Variants in NFIX observed in about 807,000 individuals in gnomAD.
NFIX encodes the protein nuclear factor 1 X-type.
A neutral mutation model predicts 53.3 loss-of-function variants in NFIX; 2 were observed. The ratio of observed to expected loss-of-function variants is 0.04; its 90% CI spans 0.02 to 0.12. The LOEUF (loss-of-function observed/expected upper bound fraction) is 0.12, where lower values mean the gene tolerates loss of function less well. Ranked by LOEUF, NFIX falls within the 10% of genes least tolerant of loss-of-function variation. The pLI is 1.00. For missense variants in NFIX, 310 were observed against 674.5 expected (o/e 0.46, Z 5.99); for synonymous variants, 244 against 289.0 (o/e 0.84, Z 1.58).
At position 13,078,682 on chromosome 19, in the gene NFIX, C is replaced by T. The variant is rs771523710; in HGVS notation, c.1025C>T (p.Pro342Leu). ...GCCCTCTCCTCTCAGGGCAGCTCCC[C>T]GCGCATGGCTTTCACCCACCACCCG... ...CSALSSQGSS[P>L]RMAFTHHPLP... The change falls in exon 7 of 11, where the codon CCG (proline) becomes CTG (leucine). Residue 342 changes from proline to leucine, a missense_variant. Physicochemically the swap from Pro to Leu is moderately conservative, Grantham distance 98. This residue lies in a region of NFIX where 164 missense variants were observed against 284.4 expected (regional missense o/e 0.58). Transcript: ENST00000592199. This position sits in a 1 kb window ranked among gnomAD's most constrained non-coding sequence, Gnocchi z 4.7. The T allele has an allele frequency of 6.3e-7, 1 of 1,599,276 alleles. No individual in the cohort carries two copies. The highest frequency in any genetic ancestry group is 8.5e-7 in the Non-Finnish European group (1 of 1,173,312).
At chr19:13,074,141 T>C (rs555771517) in intron 5 of NFIX, 115 bp downstream of exon 5, 189 of 1,349,288 alleles carry the variant, frequency 1.4e-4, no homozygotes, top group Non-Finnish European at 1.1e-5. Context: ...GAATGTCACC[T>C]CTCTCATTGA....
In NFIX at chr19:13,081,028, A is replaced by C. The variant is rs1599860631; in HGVS notation, c.1079-652A>C. Among the ~76,000 whole-genome samples, 1 of 146,932 alleles carries C rather than the reference A, an allele frequency of 6.8e-6. No individual in the cohort carries two copies. The highest frequency in any genetic ancestry group is 2.2e-4 in the South Asian group (1 of 4,584). ...AAAAAAAATTCTTTAGGCTGGGCACAGTGGCTCATGCCTGTAATCCCAGCA... is the reference window on the plus strand; with the variant it reads ...AAAAAAAATTCTTTAGGCTGGGCACCGTGGCTCATGCCTGTAATCCCAGCA... On this transcript the variant is annotated intron_variant, in intron 7 of 10. Coordinates refer to ENST00000592199, the MANE Select transcript of NFIX (RefSeq NM_001365902.3). This position sits in a 1 kb window ranked among gnomAD's most constrained non-coding sequence, Gnocchi z 4.7.
Position 13,093,763 on chromosome 19 carries a change from G to A in NFIX, c.1495-872G>A, listed in dbSNP as rs1045542968. Among the ~76,000 whole-genome samples the A allele has an allele frequency of 4.6e-5, 7 of 152,100 alleles. No homozygotes were observed. The highest frequency in any genetic ancestry group is 8.8e-5 in the Non-Finnish European group (6 of 68,020). On this transcript the variant is annotated intron_variant, in intron 10 of 10. Transcript: ENST00000592199. This position sits in a 1 kb window ranked among gnomAD's most constrained non-coding sequence, Gnocchi z 4.7. ...TCAGGGACCCTCATTTTGCCCCAACGGTACTACCAGGTGCACCCAGGCCCA... is the reference window on the plus strand; with the variant it reads ...TCAGGGACCCTCATTTTGCCCCAACAGTACTACCAGGTGCACCCAGGCCCA...
chr19:13,005,232 TAGA>T lies in NFIX; in HGVS notation c.27+9375_27+9377del, dbSNP rs1327622199. Among the ~76,000 whole-genome samples, 2 of 152,228 alleles carry T rather than the reference TAGA, an allele frequency of 1.3e-5. No homozygotes were observed. Among genetic ancestry groups the T allele is most frequent in the Non-Finnish European group, 2.9e-5 (2 of 68,044 alleles). On this transcript the variant is annotated intron_variant, in intron 1 of 10. Transcript: ENST00000592199. This position sits in a 1 kb window ranked among gnomAD's most constrained non-coding sequence, Gnocchi z 4.7. ...GAAGAGACAGCGGTCAGCAGAATGG[TAGA>T]AGAAGATAGGATAATAGCAAAATAA...
intron 1 of NFIX, among the ~76,000 whole-genome samples, chr19:13,004,465 G>A (rs2011904170): frequency 6.6e-6 from 1 of 152,154 alleles, no homozygotes; most frequent in South Asian, 2.1e-4. Flanking sequence ...CCAGCACACA[G>A]GGACGAGAGC....
At position 13,009,981 on chromosome 19, in the gene NFIX, C is replaced by CCG. The variant is rs1555694612; in HGVS notation, c.27+14117_27+14118insCG. ...CAGGTGGAGTGGCCCACCTTGGGCC[C>CCG]GGGGGGGCCTCCAGGAGCCCCCTGG... On this transcript the variant is annotated intron_variant, in intron 1 of 10. Coordinates refer to ENST00000592199, the MANE Select transcript of NFIX (RefSeq NM_001365902.3). The surrounding 1 kb of genome is among the most constrained non-coding windows in gnomAD (Gnocchi z 4.7). 2.0e-5 allele frequency among the ~76,000 whole-genome samples: 3 copies of CCG among 152,060 alleles called. No individual in the cohort carries two copies. Among genetic ancestry groups the CCG allele is most frequent in the African/African-American group, 7.2e-5 (3 of 41,424 alleles).
At chr19:13,023,106 C>G (rs1295655363) in intron 1 of NFIX, among the ~76,000 whole-genome samples, 1 of 149,684 alleles carries the variant, frequency 6.7e-6, no homozygotes, top group South Asian at 2.1e-4. Context: ...CTGTCTCTTT[C>G]TCCCCCCACC....
At chr19:13,017,648 C>T (rs560416756) in intron 1 of NFIX, among the ~76,000 whole-genome samples, 4 of 152,170 alleles carry the variant, frequency 2.6e-5, no homozygotes, top group Non-Finnish European at 5.9e-5. Context: ...TGCCCTGACC[C>T]CTCCGAAGGA....
intron 2 of NFIX, among the ~76,000 whole-genome samples, chr19:13,039,241 T>C (rs10407482): frequency 0.11 from 15,801 of 147,014 alleles, 1,759 homozygotes; most frequent in African/African-American, 0.28. Context: ...CACACACACA[T>C]ACACGTGTGT....
rs549081364 is a variant in NFIX at position 13,011,260 on chromosome 19, C to G, written c.28-13761C>G. Among the ~76,000 whole-genome samples, 2 of 152,304 alleles carry G rather than the reference C, an allele frequency of 1.3e-5. No homozygotes were observed. Among genetic ancestry groups the G allele is most frequent in the African/African-American group, 4.8e-5 (2 of 41,566 alleles). ...AGAAACACAATCGCGGGGGTGGGTG[C>G]TGGCGGCGAGACGTTGCTTTTTGGT... On this transcript the variant is annotated intron_variant, in intron 1 of 10. Coordinates refer to ENST00000592199, the MANE Select transcript of NFIX (RefSeq NM_001365902.3). This position sits in a 1 kb window ranked among gnomAD's most constrained non-coding sequence, Gnocchi z 6.5.
Position 13,084,677 on chromosome 19 carries a change from A to G in NFIX, c.1254+2822A>G, listed in dbSNP as rs531143687. ...CATGATGGAGAAATCACAGGGCCCA[A>G]TGGGAGAGCATGACTCCGGGAGGCA... On this transcript the variant is annotated intron_variant, in intron 8 of 10. Transcript: ENST00000592199. 9.2e-4 allele frequency among the ~76,000 whole-genome samples: 140 copies of G among 152,188 alleles called. 1 individual carries two copies. The highest frequency in any genetic ancestry group is 3.4e-3 in the Middle Eastern group (1 of 294).
intron 7 of NFIX, among the ~76,000 whole-genome samples, chr19:13,080,367 C>T (rs2017385842): frequency 6.6e-6 from 1 of 152,120 alleles, no homozygotes; most frequent in Non-Finnish European, 1.5e-5. Flanking sequence ...TCAAGTGATC[C>T]CTCCTGTGTG....
At position 13,090,871 on chromosome 19, in the gene NFIX, G is replaced by T. The variant is rs1160931111; in HGVS notation, c.1494+481G>T. ...TGCCCAGAACTGGCACTGAGGGCAG[G>T]GCAGGGCAGGCCGCCACCCTAGAGG... On this transcript the variant is annotated intron_variant, in intron 10 of 10. Coordinates refer to ENST00000592199, the MANE Select transcript of NFIX (RefSeq NM_001365902.3). The surrounding 1 kb of genome is among the most constrained non-coding windows in gnomAD (Gnocchi z 6.6). 2.0e-5 allele frequency among the ~76,000 whole-genome samples: 3 copies of T among 152,192 alleles called. No homozygotes were observed. Among genetic ancestry groups the T allele is most frequent in the African/African-American group, 7.2e-5 (3 of 41,450 alleles).
At chr19:13,076,942 C>T (rs552731129) in intron 6 of NFIX, among the ~76,000 whole-genome samples, 2 of 152,238 alleles carry the variant, frequency 1.3e-5, no homozygotes, top group Admixed American at 6.5e-5. Flanking sequence ...GGCTTCCTTG[C>T]GTGACTCTGG....
chr19:13,062,686 A>T lies in NFIX; in HGVS notation c.560-10361A>T, dbSNP rs758018930. ...TTGGAGGAAAGGCTGTTTAGTTTCCAGCCTCCAGGTGGGAGAAGGGCCCCA... is the reference window on the plus strand; with the variant it reads ...TTGGAGGAAAGGCTGTTTAGTTTCCTGCCTCCAGGTGGGAGAAGGGCCCCA... On this transcript the variant is annotated intron_variant, in intron 2 of 10. Coordinates refer to ENST00000592199, the MANE Select transcript of NFIX (RefSeq NM_001365902.3). Among the ~76,000 whole-genome samples the T allele has an allele frequency of 2.2e-4, 33 of 152,188 alleles. 1 individual carries two copies. Among genetic ancestry groups the T allele is most frequent in the Non-Finnish European group, 4.4e-5 (3 of 68,034 alleles).
At chr19:13,061,683 G>C (rs1486797296) in intron 2 of NFIX, among the ~76,000 whole-genome samples, 1 of 152,248 alleles carries the variant, frequency 6.6e-6, no homozygotes, top group Non-Finnish European at 1.5e-5. Flanking sequence ...TATGAATGAG[G>C]AATTTGGCAG....
rs1306250816 is a variant in NFIX at position 13,093,955 on chromosome 19, CAGCGCCCCCTGCTGGCG to C, written c.1495-678_1495-662del. Among the ~76,000 whole-genome samples, 1 of 152,120 alleles carries C rather than the reference CAGCGCCCCCTGCTGGCG, an allele frequency of 6.6e-6. No homozygotes were observed. Among genetic ancestry groups the C allele is most frequent in the Admixed American group, 6.5e-5 (1 of 15,288 alleles). ...AGACAAGGCCCTGTCTGTGGGAAGGCAGCGCCCCCTGCTGGCGATATGAAGGAAATGACGCTCACCCC... is the reference window on the plus strand; with the variant it reads ...AGACAAGGCCCTGTCTGTGGGAAGGCATATGAAGGAAATGACGCTCACCCC... On this transcript the variant is annotated intron_variant, in intron 10 of 10. Coordinates refer to ENST00000592199, the MANE Select transcript of NFIX (RefSeq NM_001365902.3). This position sits in a 1 kb window ranked among gnomAD's most constrained non-coding sequence, Gnocchi z 4.7.
Position 12,996,313 on chromosome 19 carries a change from G to A in NFIX, c.27+449G>A, listed in dbSNP as rs1599691430. Among the ~76,000 whole-genome samples, 1 of 152,050 alleles carries A rather than the reference G, an allele frequency of 6.6e-6. No homozygotes were observed. Among genetic ancestry groups the A allele is most frequent in the Non-Finnish European group, 1.5e-5 (1 of 67,982 alleles). On this transcript the variant is annotated intron_variant, in intron 1 of 10. Transcript: ENST00000592199. The surrounding 1 kb of genome is among the most constrained non-coding windows in gnomAD (Gnocchi z 5.2). ...AGGGTGGTCCCGAGGGCGCAGAGGG[G>A]ACACTGGGTCCCGCGACGCTTCCTG...
chr19:13,076,112 C>T (rs1276138353), intron 6 of NFIX, among the ~76,000 whole-genome samples: 2 of 152,174 alleles, frequency 1.3e-5, no homozygotes, highest in East Asian at 1.9e-4. Context: ...TACAAGATGC[C>T]AGCAGCAAAA....
Sources: allele counts gnomAD v4.1 joint callset (sites outside exome capture counted in the v4.1 genomes callset), GRCh38; gene constraint gnomAD v4.1.1; regional missense constraint gnomAD v4.1.1; non-coding constraint Gnocchi (gnomAD v3.1); transcripts MANE v1.5; gene names NCBI Gene and HGNC (gene_info 2026-07-23, HGNC 2026-07-21).